TBC1D8: variants seen among roughly 807,000 people sequenced by gnomAD.
The protein encoded by TBC1D8 is BUB2-like protein 1.
In TBC1D8, 65 loss-of-function variants were observed where a neutral mutation model predicts 118.8. That is an observed-to-expected ratio of 0.55 (90% CI 0.45 to 0.67). The LOEUF is 0.67. Among genes scored for constraint, TBC1D8 ranks in the 30% least tolerant of loss-of-function variants. TBC1D8 has a pLI of 0.00. For synonymous variants in TBC1D8, 566 were observed against 595.8 expected (o/e 0.95, Z 0.73); for missense variants, 1,376 against 1,471.2 (o/e 0.94, Z 1.06).
chr2:101,026,343 T>C (rs1031876862), intron 15 of TBC1D8, among the ~76,000 whole-genome samples: 9 of 152,210 alleles, frequency 5.9e-5, no homozygotes, highest in Non-Finnish European at 1.0e-4. Flanking sequence ...TTTGACTTCA[T>C]AGTTTGCCTT....
chr2:101,139,116 C>G (rs1678987307), intron 1 of TBC1D8, among the ~76,000 whole-genome samples: 1 of 151,906 alleles, frequency 6.6e-6, no homozygotes, highest in South Asian at 2.1e-4. Flanking sequence ...GAGTACTAAC[C>G]CCATTTCTAA....
chr2:101,123,534 G>GT (rs1201036209), intron 1 of TBC1D8, among the ~76,000 whole-genome samples: 1 of 152,100 alleles, frequency 6.6e-6, no homozygotes, highest in Non-Finnish European at 1.5e-5. Flanking sequence ...GCTAAGTCAT[G>GT]TACCTGATCT....
In TBC1D8 at chr2:101,033,589, G is replaced by C; in HGVS notation, c.1773C>G (p.Val591=). ...GGTTCCGGTGGGCATAGGCCGTCAAGACTCTCCTCAAAGCAGCAATTCCCG... is the reference window on the plus strand; with the variant it reads ...GGTTCCGGTGGGCATAGGCCGTCAACACTCTCCTCAAAGCAGCAATTCCCG... ...NETGIAALRR[V]LTAYAHRNPK... The change falls in exon 10 of 20, where the codon GTC becomes GTG. Residue 591 remains valine (V), a synonymous_variant. Coordinates refer to ENST00000409318, the MANE Select transcript of TBC1D8 (RefSeq NM_001330348.2). 1 of 1,613,858 alleles carries C rather than the reference G, an allele frequency of 6.2e-7. No homozygotes were observed. The highest frequency in any genetic ancestry group is 1.1e-5 in the South Asian group (1 of 91,066).
At chr2:101,090,872 T>A (rs1014217655) in intron 1 of TBC1D8, among the ~76,000 whole-genome samples, 3 of 152,258 alleles carry the variant, frequency 2.0e-5, no homozygotes, top group Admixed American at 6.5e-5. Context: ...GTGCTTAAAC[T>A]ATTGCAAGCC....
rs1678883005 is a variant in TBC1D8, at chr2:101,008,154, C to T, written c.3135G>A (p.Val1045=). Residue 1045 remains valine, a synonymous_variant, in exon 20 of 20, where the codon GTG becomes GTA. Coordinates refer to ENST00000409318, the MANE Select transcript of TBC1D8 (RefSeq NM_001330348.2). ...VTTLLLQIGE[V]GQRGSSSGSC... is the part of the protein sequence containing the mutation. ...TTCCAGAGCTGCTGCCTCGCTGCCC[C>T]ACCTCCCCGATCTGCAGCAGCAGTG... 6.2e-7 allele frequency: 1 copy of T among 1,613,826 alleles called. No homozygotes were observed. Among genetic ancestry groups the T allele is most frequent in the Non-Finnish European group, 8.5e-7 (1 of 1,179,804 alleles).
At chr2:101,054,708 G>A (rs1417388595) in intron 3 of TBC1D8, among the ~76,000 whole-genome samples, 1 of 75,106 alleles carries the variant, frequency 1.3e-5, no homozygotes, top group East Asian at 5.8e-4. Flanking sequence ...TGGAGACGGA[G>A]TTTTGTTCTT....
chr2:101,133,371 T>C (rs1445624578), intron 1 of TBC1D8, among the ~76,000 whole-genome samples: 1 of 152,184 alleles, frequency 6.6e-6, no homozygotes, highest in Non-Finnish European at 1.5e-5. Flanking sequence ...CTCTGAGATA[T>C]TCGCTCCCTT....
At chr2:101,015,736 T>C (rs975937203) in intron 17 of TBC1D8, among the ~76,000 whole-genome samples, 1 of 152,144 alleles carries the variant, frequency 6.6e-6, no homozygotes, top group Non-Finnish European at 1.5e-5. Flanking sequence ...TATAGATCAA[T>C]GGAACAGAAC....
At chr2:101,068,717 G>C (rs1246013464) in intron 2 of TBC1D8, 1 of 303,020 alleles carries the variant, frequency 3.3e-6, no homozygotes, top group Non-Finnish European at 6.0e-6. Flanking sequence ...ACAATAACTT[G>C]GCTGTATGTG....
chr2:101,093,880 T>C (rs1279601708), intron 1 of TBC1D8, among the ~76,000 whole-genome samples: 1 of 152,094 alleles, frequency 6.6e-6, no homozygotes, highest in Non-Finnish European at 1.5e-5. Flanking sequence ...TAGCTAATTT[T>C]TGTATTTTAG....
chr2:101,033,892 G>A lies in TBC1D8; in HGVS notation c.1604-134C>T, dbSNP rs550348250. 1.1e-4 allele frequency: 112 copies of A among 1,048,142 alleles called. 1 individual carries two copies. In the South Asian group the frequency reaches 1.6e-3, roughly 15 times the overall value. 64.9% of individuals were successfully genotyped at this position (1,048,142 alleles called of 1,614,324 possible). On this transcript the variant is annotated intron_variant, in intron 9 of 19. Coordinates refer to ENST00000409318, the MANE Select transcript of TBC1D8 (RefSeq NM_001330348.2). ...GAGGGACAAAATATTGGCCGGGTGC[G>A]GTGGCTCACGCCTGTAATCCCAGCA...
chr2:101,031,040 G>C (rs981448286), intron 11 of TBC1D8, among the ~76,000 whole-genome samples: 3 of 152,212 alleles, frequency 2.0e-5, no homozygotes, highest in African/African-American at 7.2e-5. Context: ...GTCCCCTCCT[G>C]TCTTGGGGCA....
At chr2:101,128,419 A>G (rs578022374) in intron 1 of TBC1D8, among the ~76,000 whole-genome samples, 16 of 152,342 alleles carry the variant, frequency 1.1e-4, no homozygotes, top group African/African-American at 3.1e-4. Flanking sequence ...GGTACTCAGG[A>G]AGCCAGGGGC....
chr2:101,073,441 C>G (rs1357629081), intron 2 of TBC1D8, among the ~76,000 whole-genome samples: 1 of 151,882 alleles, frequency 6.6e-6, no homozygotes, highest in African/African-American at 2.4e-5. Context: ...AATACAGGTG[C>G]CCGCCACCAC....
In TBC1D8 at chr2:101,054,150, T is replaced by C; in HGVS notation, c.589A>G (p.Ile197Val). 6.2e-7 allele frequency: 1 copy of C among 1,613,534 alleles called. No homozygotes were observed. ...AAGGAGTAGAAGCAGAGGTGGTTGA[T>C]GCTGAGGTACAGCCAGCCCTGGCGG... Reference protein sequence around the residue: ...VPRQGWLYLSINHLCFYSFFL... With the variant: ...VPRQGWLYLSVNHLCFYSFFL... Residue 197 changes from isoleucine (I) to valine (V), a missense_variant, in exon 4 of 20, where the codon ATC becomes GTC. Transcript: ENST00000409318.
rs1678881353 is a variant in TBC1D8 at position 101,008,135 on chromosome 2, AGCTGCTGCCTC to A, written c.3143_3153del (p.Arg1048LeufsTer20). Reference sequence around the variant, plus strand: ...CCACACTCCTGGGAGCAGCTTCCAGAGCTGCTGCCTCGCTGCCCCACCTCCCCGATCTGCAG... The same window carrying A: ...CCACACTCCTGGGAGCAGCTTCCAGAGCTGCCCCACCTCCCCGATCTGCAG... On this transcript the variant is annotated frameshift_variant, in exon 20 of 20. Transcript: ENST00000409318. LOFTEE classifies it low-confidence loss of function (END_TRUNC). 6.2e-7 allele frequency: 1 copy of A among 1,613,834 alleles called. No individual in the cohort carries two copies. Among genetic ancestry groups the A allele is most frequent in the Non-Finnish European group, 8.5e-7 (1 of 1,179,796 alleles).
At chr2:101,135,158 C>T (rs1460051782) in intron 1 of TBC1D8, among the ~76,000 whole-genome samples, 5 of 151,882 alleles carry the variant, frequency 3.3e-5, no homozygotes, top group Admixed American at 2.0e-4. Flanking sequence ...GGCGACAGAG[C>T]GAGACTCCGT....
At chr2:101,028,904 A>G (rs1450597002) in intron 12 of TBC1D8, among the ~76,000 whole-genome samples, 1 of 152,194 alleles carries the variant, frequency 6.6e-6, no homozygotes, top group Non-Finnish European at 1.5e-5. Flanking sequence ...GTTCAAGGCC[A>G]CTGTGAGTCC....
intron 1 of TBC1D8, among the ~76,000 whole-genome samples, chr2:101,111,238 T>C (rs1677566192): frequency 6.6e-6 from 1 of 152,232 alleles, no homozygotes; most frequent in South Asian, 2.1e-4. Context: ...AGAGCTCTTA[T>C]GATCCCCACG....
Sources: gnomAD v4.1 joint callset for allele counts (sites outside exome capture counted in the v4.1 genomes callset) on GRCh38, gnomAD v4.1.1 for gene constraint, MANE v1.5 for transcripts, NCBI Gene and HGNC (gene_info 2026-07-23, HGNC 2026-07-21) for gene names.